The following BICRA variants were observed in gnomAD, a reference collection of about 807,000 sequenced individuals.
BICRA encodes the protein BRD4-interacting chromatin-remodeling complex-associated protein.
In BICRA, 31 loss-of-function variants were observed where a neutral mutation model predicts 96.9. The observed-to-expected ratio is 0.32, with a 90% CI of 0.24 to 0.43. The LOEUF (loss-of-function observed/expected upper bound fraction) is 0.43, where lower values mean the gene tolerates loss of function less well. Ranked by LOEUF, BICRA falls within the 20% of genes least tolerant of loss-of-function variation. The pLI is 1.00. For synonymous variants in BICRA, 1,350 were observed against 1,071.8 expected, an observed-to-expected ratio of 1.26 and a Z score of -5.07; for missense variants, 2,283 against 2,190.3, an observed-to-expected ratio of 1.04 and a Z score of -0.84.
intron 1 of BICRA, among the ~76,000 whole-genome samples, chr19:47,669,696 G>A (rs908723571): frequency 6.6e-6 from 1 of 151,760 alleles, no homozygotes; most frequent in African/African-American, 2.4e-5. Context: ...TCACTCTGTC[G>A]CCCAGGCTGG....
At position 47,696,588 on chromosome 19, in the gene BICRA, G is replaced by A. The variant is rs1599868279; in HGVS notation, c.3248+76G>A. 6 of 1,423,776 alleles carry A rather than the reference G, an allele frequency of 4.2e-6. No homozygotes were observed. In the East Asian group the frequency reaches 1.3e-4, roughly 30 times the overall value. The allele number at this position is 1,423,776 out of a possible 1,614,324, so 88.2% of individuals were successfully genotyped here. A position where few individuals can be genotyped will look rare whatever the true frequency, so the allele number is the denominator to read the frequency against. ...TGGGGGAGCATGGGGCCACCCTCCA[G>A]AAGCAGAGTTGGGCAGGCCCAAGTG... On this transcript the variant is annotated intron_variant, in intron 11 of 14. Coordinates refer to ENST00000594866, the MANE Select transcript of BICRA (RefSeq NM_001394372.1).
At chr19:47,609,736 C>T (rs1352814480) in intron 1 of BICRA, among the ~76,000 whole-genome samples, 2 of 152,064 alleles carry the variant, frequency 1.3e-5, no homozygotes, top group Admixed American at 6.5e-5. Context: ...CCGCCTCGCT[C>T]GGCCCCTGCG....
At position 47,613,656 on chromosome 19, in the gene BICRA, TCTGAGCTAGCTCC is replaced by T. The variant is rs1307118735; in HGVS notation, c.-108+4492_-108+4504del. Reference sequence around the variant, plus strand: ...CTCTGGTTTTTTGTCCCCTGTCTTGTCTGAGCTAGCTCCCTGGTAGGATGCACCTTATGCCACA... The same window carrying T: ...CTCTGGTTTTTTGTCCCCTGTCTTGTCTGGTAGGATGCACCTTATGCCACA... On this transcript the variant is annotated intron_variant, in intron 1 of 14. Coordinates refer to ENST00000594866, the MANE Select transcript of BICRA (RefSeq NM_001394372.1). 2.6e-5 allele frequency among the ~76,000 whole-genome samples: 4 copies of T among 152,184 alleles called. No individual in the cohort carries two copies. In the East Asian group the frequency reaches 7.8e-4, roughly 30 times the overall value.
intron 1 of BICRA, among the ~76,000 whole-genome samples, chr19:47,619,695 C>A (rs536103335): frequency 6.6e-6 from 1 of 152,132 alleles, no homozygotes; most frequent in African/African-American, 2.4e-5. Flanking sequence ...GCCGGGAGTC[C>A]GAGACCAGCC....
At position 47,694,449 on chromosome 19, in the gene BICRA, T is replaced by TG; in HGVS notation, c.2619dup (p.Pro874AlafsTer20). On this transcript the variant is annotated frameshift_variant, in exon 8 of 15. Coordinates refer to ENST00000594866, the MANE Select transcript of BICRA (RefSeq NM_001394372.1). LOFTEE classifies it high-confidence loss of function. ...CAGTCCCAGCCGCCTGAGGGACCGC[T>TG]GCCCCCAGCCCCCCACCTCCCTCCA... 1 of 808,506 alleles carries TG rather than the reference T, an allele frequency of 1.2e-6. No homozygotes were observed. Among genetic ancestry groups the TG allele is most frequent in the Non-Finnish European group, 1.9e-6 (1 of 536,210 alleles). The allele number at this position is 808,506 out of a possible 1,614,324, so 50.1% of individuals were successfully genotyped here. A position where few individuals can be genotyped will look rare whatever the true frequency, so the allele number is the denominator to read the frequency against.
intron 1 of BICRA, among the ~76,000 whole-genome samples, chr19:47,650,734 T>A (rs1972528284): frequency 6.6e-6 from 1 of 152,088 alleles, no homozygotes; most frequent in South Asian, 2.1e-4. Context: ...TGGGGTCATC[T>A]CTTCTCTTAA....
intron 7 of BICRA, among the ~76,000 whole-genome samples, chr19:47,693,446 G>A (rs1973271149): frequency 6.6e-6 from 1 of 152,230 alleles, no homozygotes; most frequent in South Asian, 2.1e-4. Context: ...AGAGGCAGGT[G>A]CCCAGGACAC....
Position 47,701,316 on chromosome 19 carries a change from C to A in BICRA, c.3596-12C>A, listed in dbSNP as rs762004712. The A allele has an allele frequency of 6.2e-7, 1 of 1,605,184 alleles. No homozygotes were observed. Among genetic ancestry groups the A allele is most frequent in the South Asian group, 1.1e-5 (1 of 90,832 alleles). On this transcript the variant is annotated splice_polypyrimidine_tract_variant and intron_variant, in intron 14 of 14. Transcript: ENST00000594866. The surrounding 1 kb of genome is among the most constrained non-coding windows in gnomAD (Gnocchi z 5.4). ...CCTAACCCCGCGGGTTTTCTTTGCC[C>A]CGATTCTGCAGACGAGTACGTGTCT...
At chr19:47,634,816 G>A (rs1972275271) in intron 1 of BICRA, among the ~76,000 whole-genome samples, 1 of 142,796 alleles carries the variant, frequency 7.0e-6, no homozygotes, top group Admixed American at 7.3e-5. Flanking sequence ...AGGCTGGAGT[G>A]CAGTGGCGCG....
intron 1 of BICRA, among the ~76,000 whole-genome samples, chr19:47,625,220 G>A (rs897983350): frequency 2.6e-5 from 4 of 150,976 alleles, no homozygotes; most frequent in East Asian, 1.9e-4. Flanking sequence ...GGCTGGTCTC[G>A]AACTCCTGAC....
intron 1 of BICRA, among the ~76,000 whole-genome samples, chr19:47,627,987 C>G (rs1364839659): frequency 6.6e-6 from 1 of 152,104 alleles, no homozygotes; most frequent in Non-Finnish European, 1.5e-5. Context: ...CCAGGCTGGT[C>G]TCGAACCCCT....
intron 1 of BICRA, among the ~76,000 whole-genome samples, chr19:47,632,752 C>T (rs143514986): frequency 1.8e-3 from 272 of 152,210 alleles, no homozygotes; most frequent in African/African-American, 6.2e-3. Flanking sequence ...ATGATCAGCA[C>T]GGTGGGAGGG....
At chr19:47,652,913 G>C in intron 1 of BICRA, among the ~76,000 whole-genome samples, 1 of 151,540 alleles carries the variant, frequency 6.6e-6, no homozygotes, top group African/African-American at 2.4e-5. Flanking sequence ...CTTTTCTTAA[G>C]CAGATGGTAA....
At position 47,698,898 on chromosome 19, in the gene BICRA, C is replaced by T. The variant is rs1377710759; in HGVS notation, c.3398-67C>T. 7.2e-7 allele frequency: 1 copy of T among 1,382,914 alleles called. No homozygotes were observed. The highest frequency in any genetic ancestry group is 1.0e-6 in the Non-Finnish European group (1 of 992,766). The allele number at this position is 1,382,914 out of a possible 1,614,324, so 85.7% of individuals were successfully genotyped here. A position where few individuals can be genotyped will look rare whatever the true frequency, so the allele number is the denominator to read the frequency against. On this transcript the variant is annotated intron_variant, in intron 12 of 14. Coordinates refer to ENST00000594866, the MANE Select transcript of BICRA (RefSeq NM_001394372.1). The surrounding 1 kb of genome is among the most constrained non-coding windows in gnomAD (Gnocchi z 4.8). Reference sequence around the variant, plus strand: ...GTGCGCTATGCTGACCCTGCCCCGCCCTCCTTCCTGCGCATCCGCGGCCGC... The same window carrying T: ...GTGCGCTATGCTGACCCTGCCCCGCTCTCCTTCCTGCGCATCCGCGGCCGC...
intron 10 of BICRA, among the ~76,000 whole-genome samples, chr19:47,695,726 G>C (rs992493325): frequency 6.6e-6 from 1 of 152,104 alleles, no homozygotes; most frequent in Non-Finnish European, 1.5e-5. Context: ...TGGCAACAGT[G>C]TAAGGGACTA....
intron 10 of BICRA, among the ~76,000 whole-genome samples, chr19:47,695,867 A>C (rs1343460624): frequency 6.6e-6 from 1 of 151,922 alleles, no homozygotes; most frequent in Admixed American, 6.6e-5. Flanking sequence ...TCAGGGACCG[A>C]GAATGAAAGG....
chr19:47,657,827 T>C (rs192516725), intron 1 of BICRA, among the ~76,000 whole-genome samples: 6 of 152,302 alleles, frequency 3.9e-5, no homozygotes. Flanking sequence ...GCTTTAATTC[T>C]CTTCTGGGAC....
chr19:47,633,166 C>T (rs189767116), intron 1 of BICRA, among the ~76,000 whole-genome samples: 103 of 149,996 alleles, frequency 6.9e-4, no homozygotes, highest in Non-Finnish European at 1.2e-3. Flanking sequence ...CTGCAACCTC[C>T]ACCTCTAAAA....
In BICRA at chr19:47,679,427, C is replaced by T. The variant is rs766259836; in HGVS notation, c.257C>T (p.Ala86Val). Reference protein sequence around the residue: ...FLEDDILGSPATGGGGGGSGG... With the variant: ...FLEDDILGSPVTGGGGGGSGG... ...GAAGATGACATCCTGGGCTCTCCTG[C>T]GACAGGGGGCGGCGGCGGGGGCAGT... is the stretch of plus-strand genomic sequence containing the variant. The change falls in exon 6 of 15, where the codon GCG (alanine) becomes GTG (valine). Residue 86 changes from alanine (A) to valine (V), a missense_variant. Transcript: ENST00000594866. The T allele has an allele frequency of 4.7e-6, 7 of 1,487,998 alleles. No homozygotes were observed. The East Asian group carries it at 7.8e-5, about 17-fold the overall frequency. The allele number at this position is 1,487,998 out of a possible 1,614,324, so 92.2% of individuals were successfully genotyped here.
Sources: gnomAD v4.1 joint callset for allele counts (sites outside exome capture counted in the v4.1 genomes callset) on GRCh38, gnomAD v4.1.1 for gene constraint, Gnocchi (gnomAD v3.1) non-coding constraint, MANE v1.5 for transcripts, NCBI Gene and HGNC (gene_info 2026-07-23, HGNC 2026-07-21) for gene names.